BCL7B: variants seen among roughly 807,000 people sequenced by gnomAD.
BCL7B encodes the protein B-cell CLL/lymphoma 7 protein family member B.
A neutral mutation model predicts 26.5 loss-of-function variants in BCL7B; 11 were observed. That is an observed-to-expected ratio of 0.42 (90% CI 0.26 to 0.69). The LOEUF is 0.69. BCL7B is among the 30% of genes least tolerant of loss of function. BCL7B has a pLI of 0.28. For synonymous variants in BCL7B, 111 were observed against 107.9 expected (o/e 1.03, Z -0.18); for missense variants, 215 against 264.4 (o/e 0.81, Z 1.30).
intron 5 of BCL7B, among the ~76,000 whole-genome samples, chr7:73,537,634 T>C (rs1554582309): frequency 6.6e-6 from 1 of 152,034 alleles, no homozygotes; most frequent in Admixed American, 6.6e-5. Flanking sequence ...ACACCTATAA[T>C]CCCAGCACAT....
At chr7:73,557,099 G>C in intron 1 of BCL7B, 9 of 992,122 alleles carry the variant, frequency 9.1e-6, no homozygotes, top group Non-Finnish European at 1.1e-5. Context: ...ACCACTCCAG[G>C]GCTACTCGCT....
intron 1 of BCL7B, among the ~76,000 whole-genome samples, chr7:73,554,682 C>G (rs1391208287): frequency 6.6e-6 from 1 of 151,490 alleles, no homozygotes; most frequent in Non-Finnish European, 1.5e-5. Flanking sequence ...CCTGTAGTCC[C>G]GACTACTCAG....
At chr7:73,545,168 C>T (rs997831372) in intron 2 of BCL7B, among the ~76,000 whole-genome samples, 6 of 151,962 alleles carry the variant, frequency 3.9e-5, no homozygotes, top group South Asian at 4.1e-4. Flanking sequence ...TATACATTTC[C>T]GGTAGATGCA....
intron 4 of BCL7B, among the ~76,000 whole-genome samples, chr7:73,539,242 G>A (rs1791658735): frequency 6.6e-6 from 1 of 150,662 alleles, no homozygotes; most frequent in Admixed American, 6.6e-5. Flanking sequence ...TTACAGGTGT[G>A]AGCCACCGCG....
At chr7:73,548,260 T>TAAAATACAGGGTAAAACC (rs1224381866) in intron 2 of BCL7B, among the ~76,000 whole-genome samples, 35 of 151,974 alleles carry the variant, frequency 2.3e-4, no homozygotes, top group Non-Finnish European at 3.5e-4. Context: ...AAACCCTGTC[T>TAAAATACAGGGTAAAACC]CTACTAAAAA....
intron 2 of BCL7B, among the ~76,000 whole-genome samples, chr7:73,551,531 C>T (rs1456212557): frequency 3.3e-5 from 5 of 151,614 alleles, no homozygotes; most frequent in Middle Eastern, 3.2e-3. Context: ...CTCGAACTCC[C>T]GACCTCAAGT....
rs146383241 is a variant in BCL7B, at chr7:73,537,627, C to T, written c.517-237G>A. On this transcript the variant is annotated intron_variant, in intron 5 of 5. Coordinates refer to ENST00000223368, the MANE Select transcript of BCL7B (RefSeq NM_001707.4). The stretch of plus-strand genomic sequence containing the variant: ...GCCTGGCCGGGCACAGTGGCTCACA[C>T]CTATAATCCCAGCACATTGGGAGGC... Among the ~76,000 whole-genome samples the T allele has an allele frequency of 8.0e-3, 1,215 of 152,234 alleles. 7 individuals carry two copies. The highest frequency in any genetic ancestry group is 0.012 in the Non-Finnish European group (801 of 68,014).
At chr7:73,539,617 A>T (rs1791675360) in intron 4 of BCL7B, 1 of 415,620 alleles carries the variant, frequency 2.4e-6, no homozygotes, top group Non-Finnish European at 4.4e-6. Context: ...AATAGCTGCC[A>T]CCTCACAGGA....
At chr7:73,541,629 G>A (rs984224402) in intron 3 of BCL7B, among the ~76,000 whole-genome samples, 3 of 151,938 alleles carry the variant, frequency 2.0e-5, no homozygotes, top group African/African-American at 4.8e-5. Context: ...CACCACGCCT[G>A]GGTAATTTTG....
intron 3 of BCL7B, among the ~76,000 whole-genome samples, chr7:73,541,095 T>G (rs906580009): frequency 6.6e-6 from 1 of 151,940 alleles, no homozygotes; most frequent in East Asian, 1.9e-4. Context: ...TGCAGTGAGC[T>G]GAGATCGTGC....
chr7:73,557,304 G>A, intron 1 of BCL7B, 183 bp downstream of exon 1: 1 of 1,161,798 alleles, frequency 8.6e-7, no homozygotes, highest in Non-Finnish European at 1.1e-6. Context: ...GAGGACCGCT[G>A]ATTGGCCGCG....
At chr7:73,546,801 A>C (rs1229889126) in intron 2 of BCL7B, among the ~76,000 whole-genome samples, 1 of 152,240 alleles carries the variant, frequency 6.6e-6, no homozygotes, top group African/African-American at 2.4e-5. Context: ...TAATGAGCAA[A>C]AACTGCGTTG....
intron 2 of BCL7B, among the ~76,000 whole-genome samples, chr7:73,549,328 A>G (rs567842893): frequency 6.6e-6 from 1 of 152,362 alleles, no homozygotes; most frequent in Admixed American, 6.5e-5. Context: ...CATAATGCTG[A>G]GCAAAAGAAA....
chr7:73,548,075 G>A (rs1046302384), intron 2 of BCL7B, among the ~76,000 whole-genome samples: 2 of 151,940 alleles, frequency 1.3e-5, no homozygotes, highest in African/African-American at 2.4e-5. Flanking sequence ...CCAAGATTAC[G>A]TCACTGCACT....
chr7:73,549,137 C>T (rs113791256), intron 2 of BCL7B, among the ~76,000 whole-genome samples: 14 of 152,260 alleles, frequency 9.2e-5, no homozygotes, highest in African/African-American at 3.4e-4. Flanking sequence ...GGATTCTGAA[C>T]AAGAATGCTC....
intron 2 of BCL7B, among the ~76,000 whole-genome samples, chr7:73,548,492 CT>C (rs1554583705): frequency 6.6e-6 from 1 of 152,090 alleles, no homozygotes; most frequent in Non-Finnish European, 1.5e-5. Context: ...TGGCATGTGA[CT>C]GTAGTCCCAG....
At chr7:73,554,364 AG>A (rs1200262505) in intron 1 of BCL7B, among the ~76,000 whole-genome samples, 2 of 152,056 alleles carry the variant, frequency 1.3e-5, no homozygotes, top group African/African-American at 4.8e-5. Flanking sequence ...TGCTGTCAGT[AG>A]GAACAAGGGT....
intron 1 of BCL7B, among the ~76,000 whole-genome samples, chr7:73,554,118 C>T (rs1161339003): frequency 6.6e-6 from 1 of 151,778 alleles, no homozygotes; most frequent in Non-Finnish European, 1.5e-5. Context: ...CAGGCCACCA[C>T]GCCCAGTTAA....
At chr7:73,538,834 AAAAAG>A (rs1335353116) in intron 4 of BCL7B, among the ~76,000 whole-genome samples, 19 of 150,974 alleles carry the variant, frequency 1.3e-4, no homozygotes, top group East Asian at 1.9e-4. Flanking sequence ...AAAAAAAAAA[AAAAAG>A]AAAAGAAAAA....
Sources: gnomAD v4.1 joint callset for allele counts (sites outside exome capture counted in the v4.1 genomes callset) on GRCh38, gnomAD v4.1.1 for gene constraint, MANE v1.5 for transcripts, NCBI Gene and HGNC (gene_info 2026-07-23, HGNC 2026-07-21) for gene names.